ZNF280A: variants seen among roughly 807,000 people sequenced by gnomAD.
ZNF280A encodes the protein zinc finger protein 280A, also known as suppressor of hairy wing homolog 1.
In ZNF280A, 26 loss-of-function variants were observed where a neutral mutation model predicts 35.9. The observed-to-expected ratio is 0.72, with a 90% CI of 0.53 to 1.01. The LOEUF (loss-of-function observed/expected upper bound fraction) is 1.01. Ranked by LOEUF, ZNF280A falls within the 50% of genes least tolerant of loss-of-function variation. The pLI, the probability that ZNF280A is intolerant of heterozygous loss-of-function variation, is 0.00. For missense variants in ZNF280A, 654 were observed against 652.0 expected (o/e 1.00, Z -0.03); for synonymous variants, 231 against 232.9 (o/e 0.99, Z 0.07).
At chr22:22,516,660 A>G (rs777980061) in intron 1 of ZNF280A, among the ~76,000 whole-genome samples, 30 of 151,904 alleles carry the variant, frequency 2.0e-4, no homozygotes, top group Non-Finnish European at 4.0e-4. Context: ...TTTCCATTTC[A>G]TTCATAGGAA....
chr22:22,515,555 C>T lies in ZNF280A; in HGVS notation c.76G>A (p.Asp26Asn). The T allele has an allele frequency of 3.1e-6, 5 of 1,613,008 alleles. No individual in the cohort carries two copies. The highest frequency in any genetic ancestry group is 4.2e-6 in the Non-Finnish European group (5 of 1,179,786). ...NLRESKQREE[D>N]DEDPDLIYVG... ...TAGATCAGATCTGGATCTTCATCATCCTCCTCCCTTTGTTTGGATTCTCTC... is the reference window on the plus strand; with the variant it reads ...TAGATCAGATCTGGATCTTCATCATTCTCCTCCCTTTGTTTGGATTCTCTC... Residue 26 changes from aspartate (D) to asparagine (N), a missense_variant, in exon 2 of 2, where the codon GAT (aspartate) becomes AAT (asparagine). Coordinates refer to ENST00000302097, the MANE Select transcript of ZNF280A (RefSeq NM_080740.5).
At chr22:22,515,780 C>A (rs2062062460) in intron 1 of ZNF280A, 79 bp from the exon 2 acceptor site, 2 of 1,243,984 alleles carry the variant, frequency 1.6e-6, no homozygotes, top group African/African-American at 3.1e-5. Context: ...TCCCTTAAAA[C>A]ACTGAGATAA....
chr22:22,520,097 A>G lies in ZNF280A; in HGVS notation c.-80T>C, dbSNP rs576421935. 2 of 152,010 alleles carry G rather than the reference A, an allele frequency of 1.3e-5. No individual in the cohort carries two copies. The highest frequency in any genetic ancestry group is 2.9e-5 in the Non-Finnish European group (2 of 68,030). 9.4% of individuals were successfully genotyped at this position (152,010 alleles called of 1,614,324 possible). A position where few individuals can be genotyped will look rare whatever the true frequency, so the allele number is the denominator to read the frequency against. ...CAAATTTCTCAGCTCACCAGTTCCT[A>G]AAGTTGCGAGTGCATCCAGATGATT... On this transcript the variant is annotated 5_prime_UTR_variant, in exon 1 of 2. An upstream open reading frame in the 5' UTR loses its in-frame stop. Transcript: ENST00000302097.
In ZNF280A at chr22:22,514,118, T is replaced by C. The variant is rs754064043; in HGVS notation, c.1513A>G (p.Met505Val). ...GTGTTGCTAACAATAACGGAAGCCA[T>C]ACCACTTGATCCTGGCTGAACTGAA... Reference protein sequence around the residue: ...QTSVQPGSSGMASVIVSNTDP... With the variant: ...QTSVQPGSSGVASVIVSNTDP... The change falls in exon 2 of 2, where the codon ATG (methionine) becomes GTG (valine). Residue 505 changes from methionine (M) to valine (V), a missense_variant. Transcript: ENST00000302097. 1 of 1,613,936 alleles carries C rather than the reference T, an allele frequency of 6.2e-7. No individual in the cohort carries two copies. The highest frequency in any genetic ancestry group is 8.5e-7 in the Non-Finnish European group (1 of 1,179,986).
chr22:22,518,498 A>C (rs553460415), intron 1 of ZNF280A, among the ~76,000 whole-genome samples: 14 of 151,844 alleles, frequency 9.2e-5, no homozygotes, highest in African/African-American at 3.1e-4. Context: ...ATAAACATGC[A>C]AAAGGAAGCG....
Position 22,515,272 on chromosome 22 carries a change from G to A in ZNF280A, c.359C>T (p.Ser120Leu), listed in dbSNP as rs778794508. ...STDSPVTMKS[S>L]SEPGYKMSSP... ...GCTCATTTTATAACCAGGTTCAGAT[G>A]AAGACTTCATAGTGACAGGACTATC... Residue 120 changes from serine to leucine, a missense_variant, in exon 2 of 2, where the codon TCA becomes TTA. Ser to Leu is a moderately radical substitution (Grantham distance 145). Coordinates refer to ENST00000302097, the MANE Select transcript of ZNF280A (RefSeq NM_080740.5). 4 of 1,613,886 alleles carry A rather than the reference G, an allele frequency of 2.5e-6. No individual in the cohort carries two copies.
rs766428730 is a variant in ZNF280A, at chr22:22,514,177, C to A, written c.1454G>T (p.Gly485Val). 1.4e-5 allele frequency: 22 copies of A among 1,613,650 alleles called. No individual in the cohort carries two copies. In the South Asian group the frequency reaches 1.8e-4, roughly 13 times the overall value. The change falls in exon 2 of 2, where the codon GGG becomes GTG. Residue 485 changes from glycine to valine, a missense_variant. Transcript: ENST00000302097. Reference sequence around the variant, plus strand: ...AATAACTTTTGTTTCACTAGGCAACCCTTGCAGTTGCTCCGGCTTTTTAAA... The same window carrying A: ...AATAACTTTTGTTTCACTAGGCAACACTTGCAGTTGCTCCGGCTTTTTAAA... The part of the protein sequence containing the change: ...QTFKKPEQLQ[G>V]LPSETKVIIQ...
At chr22:22,517,876 T>TAAAAAAAA (rs362029) in intron 1 of ZNF280A, among the ~76,000 whole-genome samples, 13 of 127,920 alleles carry the variant, frequency 1.0e-4, no homozygotes, top group African/African-American at 3.9e-4. Context: ...ACATCTGATG[T>TAAAAAAAA]AAAAAAAAAA....
chr22:22,515,035 T>G lies in ZNF280A; in HGVS notation c.596A>C (p.Asp199Ala). The change falls in exon 2 of 2, where the codon GAT becomes GCT. Residue 199 changes from aspartate to alanine, a missense_variant. Asp to Ala is a moderately radical substitution (Grantham distance 126). Coordinates refer to ENST00000302097, the MANE Select transcript of ZNF280A (RefSeq NM_080740.5). ...ATTTGTGCTTATTGTAGAAGACATA[T>G]CTGAAGGGACCACAGCTAAAGAAGG... ...GVPSLAVVPS[D>A]MSSTISTNTP... The G allele has an allele frequency of 6.2e-7, 1 of 1,613,934 alleles. No individual in the cohort carries two copies. The highest frequency in any genetic ancestry group is 8.5e-7 in the Non-Finnish European group (1 of 1,179,978).
rs138777404 is a variant in ZNF280A, at chr22:22,514,422, C to T, written c.1209G>A (p.Ser403=). The T allele has an allele frequency of 1.9e-4, 305 of 1,613,920 alleles. 3 individuals are homozygous for T. The South Asian group carries it at 2.8e-3, about 15-fold the overall frequency. The change falls in exon 2 of 2, where the codon TCG becomes TCA. Residue 403 remains serine, a synonymous_variant. Coordinates refer to ENST00000302097, the MANE Select transcript of ZNF280A (RefSeq NM_080740.5). ...PYVCQVCHYR[S]SVFADVETHF... ...GTGTTTCCACATCAGCAAAGACCGA[C>T]GATCTGTAATGGCAAACCTGGCACA...
In ZNF280A at chr22:22,514,136, G is replaced by T. The variant is rs778330477; in HGVS notation, c.1495C>A (p.Gln499Lys). The T allele has an allele frequency of 2.5e-6, 4 of 1,613,940 alleles. No individual in the cohort carries two copies. Among genetic ancestry groups the T allele is most frequent in the Non-Finnish European group, 3.4e-6 (4 of 1,179,976 alleles). ...ETKVIIQTSV[Q>K]PGSSGMASVI... ...GAAGCCATACCACTTGATCCTGGCT[G>T]AACTGAAGTTTGAATAATAACTTTT... Residue 499 changes from glutamine to lysine, a missense_variant, in exon 2 of 2, where the codon CAG becomes AAG. Coordinates refer to ENST00000302097, the MANE Select transcript of ZNF280A (RefSeq NM_080740.5).
In ZNF280A at chr22:22,516,372, A is replaced by G. The variant is rs1376760656; in HGVS notation, c.-71-671T>C. ...CAGTAAACTCAGTTGCTCAGTCTAC[A>G]AACTTCAGAGTCATCCTTTGCCAGA... On this transcript the variant is annotated intron_variant, in intron 1 of 1. Coordinates refer to ENST00000302097, the MANE Select transcript of ZNF280A (RefSeq NM_080740.5). Among the ~76,000 whole-genome samples, 18 of 151,900 alleles carry G rather than the reference A, an allele frequency of 1.2e-4. No individual in the cohort carries two copies. The East Asian group carries it at 3.3e-3, about 28-fold the overall frequency.
Position 22,514,798 on chromosome 22 carries a change from T to C in ZNF280A, c.833A>G (p.Asp278Gly), listed in dbSNP as rs757339201. 10 of 1,613,936 alleles carry C rather than the reference T, an allele frequency of 6.2e-6. No individual in the cohort carries two copies. Among genetic ancestry groups the C allele is most frequent in the Non-Finnish European group, 6.8e-6 (8 of 1,179,980 alleles). The change falls in exon 2 of 2, where the codon GAC becomes GGC. Residue 278 changes from aspartate (D) to glycine (G), a missense_variant. Coordinates refer to ENST00000302097, the MANE Select transcript of ZNF280A (RefSeq NM_080740.5). ...KKENPIVLLS[D>G]FYYGQHKGDG... Reference sequence around the variant, plus strand: ...TCCTTTATGCTGTCCATAGTAAAAGTCGCTAAGTAACACGATGGGATTTTC... The same window carrying C: ...TCCTTTATGCTGTCCATAGTAAAAGCCGCTAAGTAACACGATGGGATTTTC...
Position 22,515,247 on chromosome 22 carries a change from G to T in ZNF280A, c.384C>A (p.Ser128Arg), listed in dbSNP as rs780232084. 3.7e-6 allele frequency: 6 copies of T among 1,613,824 alleles called. No homozygotes were observed. The highest frequency in any genetic ancestry group is 2.5e-6 in the Non-Finnish European group (3 of 1,179,942). ...AACTGGGAGAAACAACTTGTGGTGA[G>T]CTCATTTTATAACCAGGTTCAGATG... ...KSSSEPGYKM[S>R]SPQVVSPSSS... is the part of the protein sequence containing the mutation. Residue 128 changes from serine to arginine, a missense_variant, in exon 2 of 2, where the codon AGC (serine) becomes AGA (arginine). Coordinates refer to ENST00000302097, the MANE Select transcript of ZNF280A (RefSeq NM_080740.5).
rs2062050971 is a variant in ZNF280A at position 22,514,886 on chromosome 22, C to A, written c.745G>T (p.Ala249Ser). The change falls in exon 2 of 2, where the codon GCC becomes TCC. Residue 249 changes from alanine (A) to serine (S), a missense_variant. Ala to Ser is a moderately conservative substitution (Grantham distance 99). Coordinates refer to ENST00000302097, the MANE Select transcript of ZNF280A (RefSeq NM_080740.5). The stretch of plus-strand genomic sequence containing the variant: ...CTTGAAATGTCTGTCATTGCCAGGG[C>A]AGACTCACTTGCTCTCTCTGGATCT... ...LTDPERASES[A>S]LAMTDISSLA... 6.2e-7 allele frequency: 1 copy of A among 1,613,724 alleles called. No individual in the cohort carries two copies.
Position 22,514,329 on chromosome 22 carries a change from A to T in ZNF280A, c.1302T>A (p.Thr434=). The change falls in exon 2 of 2, where the codon ACT becomes ACA. Residue 434 remains threonine, a synonymous_variant. Coordinates refer to ENST00000302097, the MANE Select transcript of ZNF280A (RefSeq NM_080740.5). The part of the protein sequence containing the change: ...LCLFCLKLFK[T]AIPYMNHCWR... ...AACAATGATTCATGTATGGTATTGC[A>T]GTTTTGAAAAGTTTGAGACAAAACA... 6.2e-7 allele frequency: 1 copy of T among 1,613,922 alleles called. No individual in the cohort carries two copies. The highest frequency in any genetic ancestry group is 8.5e-7 in the Non-Finnish European group (1 of 1,179,978).
rs753570458 is a variant in ZNF280A at position 22,515,255 on chromosome 22, T to C, written c.376A>G (p.Lys126Glu). 1.9e-6 allele frequency: 3 copies of C among 1,613,882 alleles called. No individual in the cohort carries two copies. The highest frequency in any genetic ancestry group is 2.5e-6 in the Non-Finnish European group (3 of 1,179,954). ...TMKSSSEPGY[K>E]MSSPQVVSPS... is the part of the protein sequence containing the mutation. ...GAAACAACTTGTGGTGAGCTCATTT[T>C]ATAACCAGGTTCAGATGAAGACTTC... The change falls in exon 2 of 2, where the codon AAA becomes GAA. Residue 126 changes from lysine (K) to glutamate (E), a missense_variant. Physicochemically the swap from Lys to Glu is moderately conservative, Grantham distance 56. Transcript: ENST00000302097.
At chr22:22,515,768 C>T in intron 1 of ZNF280A, 67 bp from the exon 2 acceptor site, 1 of 1,375,320 alleles carries the variant, frequency 7.3e-7, no homozygotes, top group Non-Finnish European at 9.6e-7. Flanking sequence ...TTTATTGTAT[C>T]CTCCCTTAAA....
In ZNF280A at chr22:22,515,284, G is replaced by T. The variant is rs369198636; in HGVS notation, c.347C>A (p.Thr116Asn). 43 of 1,613,886 alleles carry T rather than the reference G, an allele frequency of 2.7e-5. No individual in the cohort carries two copies. In the African/African-American group the frequency reaches 5.2e-4, roughly 20 times the overall value. Residue 116 changes from threonine (T) to asparagine (N), a missense_variant, in exon 2 of 2, where the codon ACT becomes AAT. Coordinates refer to ENST00000302097, the MANE Select transcript of ZNF280A (RefSeq NM_080740.5). ...ACCAGGTTCAGATGAAGACTTCATAGTGACAGGACTATCTGTCGATCGCCC... is the reference window on the plus strand; with the variant it reads ...ACCAGGTTCAGATGAAGACTTCATATTGACAGGACTATCTGTCGATCGCCC... Reference protein sequence around the residue: ...SEGRSTDSPVTMKSSSEPGYK... With the variant: ...SEGRSTDSPVNMKSSSEPGYK...
Sources: allele counts gnomAD v4.1 joint callset (sites outside exome capture counted in the v4.1 genomes callset), GRCh38; gene constraint gnomAD v4.1.1; transcripts MANE v1.5; gene names NCBI Gene and HGNC (gene_info 2026-07-23, HGNC 2026-07-21).